Variants in HNRNPF observed in about 807,000 individuals in gnomAD.
HNRNPF encodes heterogeneous nuclear ribonucleoprotein F.
A neutral mutation model predicts 26.0 loss-of-function variants in HNRNPF; 2 were observed. The ratio of observed to expected loss-of-function variants is 0.08; its 90% CI spans 0.03 to 0.24. The LOEUF (loss-of-function observed/expected upper bound fraction) is 0.24. Among genes scored for constraint, HNRNPF ranks in the 10% least tolerant of loss-of-function variants. HNRNPF has a pLI of 1.00. For missense variants in HNRNPF, 299 were observed against 539.2 expected, an observed-to-expected ratio of 0.55 and a Z score of 4.41; for synonymous variants, 234 against 211.5, an observed-to-expected ratio of 1.11 and a Z score of -0.92.
chr10:43,403,220 A>C (rs1228328188), intron 1 of HNRNPF, among the ~76,000 whole-genome samples: 1 of 152,000 alleles, frequency 6.6e-6, no homozygotes, highest in African/African-American at 2.4e-5. Flanking sequence ...GTTTCGCCAC[A>C]TTGGCCAGGC....
intron 3 of HNRNPF, among the ~76,000 whole-genome samples, chr10:43,393,107 C>T (rs983948740): frequency 3.3e-5 from 5 of 152,216 alleles, no homozygotes. Context: ...ATTTCCTCAG[C>T]AATAAAGGTG....
chr10:43,389,083 G>T (rs1478013439), intron 3 of HNRNPF, among the ~76,000 whole-genome samples: 1 of 149,162 alleles, frequency 6.7e-6, no homozygotes, highest in Non-Finnish European at 1.5e-5. Flanking sequence ...AAATTCTCCT[G>T]TCTCAGCCTC....
chr10:43,405,279 C>T (rs1053088499), intron 1 of HNRNPF, among the ~76,000 whole-genome samples: 11 of 152,192 alleles, frequency 7.2e-5, no homozygotes, highest in Non-Finnish European at 1.6e-4. Context: ...TTCTATTGGA[C>T]AGTGCTGCTC....
At chr10:43,400,210 G>A (rs1258046725) in intron 1 of HNRNPF, among the ~76,000 whole-genome samples, 6 of 151,514 alleles carry the variant, frequency 4.0e-5, no homozygotes, top group African/African-American at 1.5e-4. Context: ...AAAACTGAGG[G>A]AAAAAAAAGA....
chr10:43,388,418 A>G (rs1407278823), intron 3 of HNRNPF, among the ~76,000 whole-genome samples: 1 of 152,222 alleles, frequency 6.6e-6, no homozygotes, highest in African/African-American at 2.4e-5. Flanking sequence ...ACATAGGGTA[A>G]GATTTTCTAG....
rs1838043279 is a variant in HNRNPF at position 43,386,768 on chromosome 10, T to C, written c.1117A>G (p.Ser373Gly). 1 of 1,614,108 alleles carries C rather than the reference T, an allele frequency of 6.2e-7. No individual in the cohort carries two copies. The highest frequency in any genetic ancestry group is 8.5e-7 in the Non-Finnish European group (1 of 1,180,050). Residue 373 changes from serine (S) to glycine (G), a missense_variant, in exon 4 of 4, where the codon AGC becomes GGC. Ser to Gly is a moderately conservative substitution (Grantham distance 56). This residue lies in a region of HNRNPF where 53 missense variants were observed against 72.4 expected (regional missense o/e 0.73). Transcript: ENST00000682386. Reference sequence around the variant, plus strand: ...CCCATGCCTTGCATCACCTGGCTGCTATACGCCCCATTGCTGGCCCCTGTT... The same window carrying C: ...CCCATGCCTTGCATCACCTGGCTGCCATACGCCCCATTGCTGGCCCCTGTT... ...STTGASNGAY[S>G]SQVMQGMGVS...
chr10:43,405,431 C>T (rs955228177), intron 1 of HNRNPF, among the ~76,000 whole-genome samples: 1 of 151,766 alleles, frequency 6.6e-6, no homozygotes, highest in African/African-American at 2.4e-5. Context: ...CCGAGGCCGG[C>T]GGATCACGAG....
At chr10:43,397,992 G>A (rs1838619402) in intron 1 of HNRNPF, among the ~76,000 whole-genome samples, 1 of 152,104 alleles carries the variant, frequency 6.6e-6, no homozygotes. Flanking sequence ...CATTACACTT[G>A]TTTCTACTTT....
chr10:43,395,954 G>T (rs1185347009), intron 2 of HNRNPF, among the ~76,000 whole-genome samples: 2 of 152,168 alleles, frequency 1.3e-5, no homozygotes, highest in Non-Finnish European at 2.9e-5. Flanking sequence ...AGAAAGCGCT[G>T]GGGGCGGGGA....
intron 1 of HNRNPF, among the ~76,000 whole-genome samples, chr10:43,398,350 T>G (rs1838638241): frequency 1.4e-5 from 2 of 147,268 alleles, no homozygotes; most frequent in East Asian, 2.0e-4. Flanking sequence ...TGTTGTTTTT[T>G]TTTTTTTTTG....
intron 3 of HNRNPF, among the ~76,000 whole-genome samples, chr10:43,391,837 C>A (rs1315025780): frequency 1.3e-5 from 2 of 152,172 alleles, no homozygotes; most frequent in African/African-American, 4.8e-5. Flanking sequence ...TCAGTTCTAC[C>A]CAATCATGTC....
chr10:43,397,685 TTAAC>T (rs1294523342), intron 1 of HNRNPF, among the ~76,000 whole-genome samples: 5 of 152,236 alleles, frequency 3.3e-5, no homozygotes, highest in Admixed American at 2.0e-4. Context: ...TCCTAAACTT[TTAAC>T]TAACGCAATT....
chr10:43,404,629 G>A (rs1037828710), intron 1 of HNRNPF, among the ~76,000 whole-genome samples: 2 of 151,522 alleles, frequency 1.3e-5, no homozygotes, highest in East Asian at 2.0e-4. Flanking sequence ...AGGCTGAGGC[G>A]GGTGGATCAC....
At chr10:43,392,754 C>T (rs1838305487) in intron 3 of HNRNPF, among the ~76,000 whole-genome samples, 1 of 152,094 alleles carries the variant, frequency 6.6e-6, no homozygotes, top group Non-Finnish European at 1.5e-5. Context: ...AGGCTTGGGC[C>T]CAAGTCCTCT....
At chr10:43,408,985 C>A (rs1327082110) in intron 1 of HNRNPF, 146 bp downstream of exon 1, 6 of 152,472 alleles carry the variant, frequency 3.9e-5, no homozygotes, top group African/African-American at 1.2e-4. Context: ...CCCTCCTGCT[C>A]CCGGCGAGCC....
At chr10:43,396,857 G>C (rs1469573125) in intron 1 of HNRNPF, 1 of 149,562 alleles carries the variant, frequency 6.7e-6, no homozygotes, top group African/African-American at 2.5e-5. Flanking sequence ...GGGCAGGGAC[G>C]GGAGGGTTCC....
At chr10:43,396,739 A>G (rs1838537796) in intron 1 of HNRNPF, 149 bp from the exon 2 acceptor site, 1 of 152,134 alleles carries the variant, frequency 6.6e-6, no homozygotes, top group African/African-American at 2.4e-5. Flanking sequence ...GCACTCCAGC[A>G]GCCTCGGACC....
chr10:43,403,300 C>G (rs1185789644), intron 1 of HNRNPF, among the ~76,000 whole-genome samples: 1 of 152,148 alleles, frequency 6.6e-6, no homozygotes, highest in Admixed American at 6.5e-5. Flanking sequence ...TGTGAACCAC[C>G]CCGCCCAGCC....
rs1208660020 is a variant in HNRNPF, at chr10:43,386,331, T to C, written c.*306A>G. 1 of 245,736 alleles carries C rather than the reference T, an allele frequency of 4.1e-6. No homozygotes were observed. Among genetic ancestry groups the C allele is most frequent in the Non-Finnish European group, 7.7e-6 (1 of 129,442 alleles). 15.2% of individuals were successfully genotyped at this position (245,736 alleles called of 1,614,324 possible). ...AAGCACGTCTCCCCAGTGTGTTCAC[T>C]GTGATGTGGTGTAAAAGATCCACAT... On this transcript the variant is annotated 3_prime_UTR_variant, in exon 4 of 4. Coordinates refer to ENST00000682386, the MANE Select transcript of HNRNPF (RefSeq NM_001098204.2).
Sources: allele counts gnomAD v4.1 joint callset (sites outside exome capture counted in the v4.1 genomes callset), GRCh38; gene constraint gnomAD v4.1.1; regional missense constraint gnomAD v4.1.1; transcripts MANE v1.5; gene names NCBI Gene and HGNC (gene_info 2026-07-23, HGNC 2026-07-21).